The following SEMA3E variants were observed in gnomAD, a reference collection of about 807,000 sequenced individuals.
SEMA3E encodes the protein semaphorin-3E.
Under a neutral mutation model 93.6 loss-of-function variants are expected in SEMA3E, and 49 were observed. The observed-to-expected ratio is 0.52, with a 90% CI of 0.42 to 0.66. The LOEUF (loss-of-function observed/expected upper bound fraction) is 0.66, where lower values mean the gene tolerates loss of function less well. Among genes scored for constraint, SEMA3E ranks in the 30% least tolerant of loss-of-function variants. SEMA3E has a pLI of 0.00. For missense variants in SEMA3E, 906 were observed against 964.8 expected (o/e 0.94, Z 0.81); for synonymous variants, 363 against 330.7 (o/e 1.10, Z -1.06).
intron 1 of SEMA3E, among the ~76,000 whole-genome samples, chr7:83,605,339 T>C (rs2888176): frequency 0.29 from 43,935 of 151,998 alleles, 6,963 homozygotes; most frequent in South Asian, 0.35. Flanking sequence ...TGGCATGAGA[T>C]GGTATCTCGT....
At chr7:83,417,348 C>T (rs1788573580) in intron 5 of SEMA3E, among the ~76,000 whole-genome samples, 1 of 152,010 alleles carries the variant, frequency 6.6e-6, no homozygotes, top group African/African-American at 2.4e-5. Flanking sequence ...TTAGGGAACA[C>T]AGATTCTCAA....
At chr7:83,637,556 G>A (rs899249742) in intron 1 of SEMA3E, among the ~76,000 whole-genome samples, 1 of 152,088 alleles carries the variant, frequency 6.6e-6, no homozygotes, top group Non-Finnish European at 1.5e-5. Flanking sequence ...GAATTATGAA[G>A]GCAGTTTCCC....
intron 1 of SEMA3E, among the ~76,000 whole-genome samples, chr7:83,605,171 G>T (rs530463331): frequency 6.6e-6 from 1 of 152,248 alleles, no homozygotes; most frequent in Admixed American, 6.5e-5. Flanking sequence ...TGGGTCAAAT[G>T]GTATTTCTGG....
chr7:83,636,846 G>A (rs371242656), intron 1 of SEMA3E, among the ~76,000 whole-genome samples: 3 of 152,196 alleles, frequency 2.0e-5, no homozygotes, highest in African/African-American at 7.2e-5. Flanking sequence ...TCTTGCCCAA[G>A]CTCCTCCTGT....
At chr7:83,511,549 G>A (rs1324627942) in intron 1 of SEMA3E, among the ~76,000 whole-genome samples, 1 of 152,060 alleles carries the variant, frequency 6.6e-6, no homozygotes, top group Non-Finnish European at 1.5e-5. Context: ...TGAGGTTGGA[G>A]TCATAGTGAA....
At chr7:83,413,398 T>A (rs549432131) in intron 5 of SEMA3E, among the ~76,000 whole-genome samples, 6 of 152,258 alleles carry the variant, frequency 3.9e-5, no homozygotes, top group Admixed American at 6.5e-5. Context: ...ATTTGCCTCA[T>A]GGAACAGCAT....
intron 2 of SEMA3E, among the ~76,000 whole-genome samples, chr7:83,477,174 TTTTA>T (rs1328954313): frequency 1.3e-5 from 2 of 152,166 alleles, no homozygotes; most frequent in African/African-American, 2.4e-5. Flanking sequence ...TAGATTATCT[TTTTA>T]TTTAAAGAGT....
intron 1 of SEMA3E, among the ~76,000 whole-genome samples, chr7:83,558,177 G>A (rs1791958962): frequency 6.6e-6 from 1 of 152,096 alleles, no homozygotes; most frequent in East Asian, 1.9e-4. Context: ...AAATGGTGGG[G>A]CAAAGCCTTG....
At chr7:83,633,741 C>T (rs1195779266) in intron 1 of SEMA3E, among the ~76,000 whole-genome samples, 1 of 151,856 alleles carries the variant, frequency 6.6e-6, no homozygotes, top group African/African-American at 2.4e-5. Context: ...GCTGCAGTAG[C>T]AGCTGGGCCT....
In SEMA3E at chr7:83,390,013, A is replaced by ATG. The variant is rs1456955664; in HGVS notation, c.1667+2541_1667+2542insCA. Among the ~76,000 whole-genome samples the ATG allele has an allele frequency of 1.4e-3, 165 of 121,378 alleles. 9 individuals are homozygous for ATG. Among genetic ancestry groups the ATG allele is most frequent in the African/African-American group, 5.2e-3 (155 of 29,814 alleles). 79.6% of individuals were successfully genotyped at this position (121,378 alleles called of 152,430 possible). A position where few individuals can be genotyped will look rare whatever the true frequency, so the allele number is the denominator to read the frequency against. On this transcript the variant is annotated intron_variant, in intron 14 of 16. Coordinates refer to ENST00000643230, the MANE Select transcript of SEMA3E (RefSeq NM_012431.3). ...TATGTGTATACGTATACACATATATACGCGTATATGTGTATACGTATACAC... is the reference window on the plus strand; with the variant it reads ...TATGTGTATACGTATACACATATATATGCGCGTATATGTGTATACGTATACAC...
intron 16 of SEMA3E, among the ~76,000 whole-genome samples, chr7:83,380,923 C>T (rs1214568194): frequency 6.6e-6 from 1 of 151,876 alleles, no homozygotes; most frequent in Non-Finnish European, 1.5e-5. Flanking sequence ...AAAAATATAG[C>T]AAAGCACATT....
chr7:83,636,975 G>T (rs1793893106), intron 1 of SEMA3E, among the ~76,000 whole-genome samples: 1 of 151,662 alleles, frequency 6.6e-6, no homozygotes, highest in African/African-American at 2.4e-5. Context: ...TTTACAACTG[G>T]ATCTTAAGCT....
intron 1 of SEMA3E, among the ~76,000 whole-genome samples, chr7:83,574,473 AGAGAG>A (rs1562839106): frequency 2.1e-5 from 1 of 48,698 alleles, no homozygotes; most frequent in African/African-American, 2.0e-4. Context: ...AAAAAAAAAG[AGAGAG>A]AGAGACTAAG....
intron 2 of SEMA3E, 46 bp from the exon 3 acceptor site, chr7:83,469,348 T>C (rs1789841746): frequency 7.7e-7 from 1 of 1,291,990 alleles, no homozygotes; most frequent in East Asian, 2.3e-5. Flanking sequence ...CATATAAAAA[T>C]AAACCACACT....
At chr7:83,405,344 G>A in intron 9 of SEMA3E, 106 bp downstream of exon 9, 1 of 795,604 alleles carries the variant, frequency 1.3e-6, no homozygotes, top group Non-Finnish European at 2.2e-6. Context: ...AAAATGAGAA[G>A]AGCAACTGGG....
At chr7:83,550,175 T>C (rs1192348809) in intron 1 of SEMA3E, among the ~76,000 whole-genome samples, 3 of 152,176 alleles carry the variant, frequency 2.0e-5, no homozygotes, top group Non-Finnish European at 4.4e-5. Flanking sequence ...GTATTGACTA[T>C]ATAGGTCGCC....
At chr7:83,483,818 A>G (rs369070613) in intron 2 of SEMA3E, among the ~76,000 whole-genome samples, 151 of 152,220 alleles carry the variant, frequency 9.9e-4, no homozygotes, top group Middle Eastern at 6.8e-3. Flanking sequence ...AATGGCTCCC[A>G]TTTTCTAAAT....
At chr7:83,432,882 C>T (rs1021938390) in intron 4 of SEMA3E, among the ~76,000 whole-genome samples, 1 of 152,116 alleles carries the variant, frequency 6.6e-6, no homozygotes, top group Non-Finnish European at 1.5e-5. Flanking sequence ...ATTTATAGTA[C>T]AGTCATATAT....
At chr7:83,641,932 A>T (rs1192908397) in intron 1 of SEMA3E, among the ~76,000 whole-genome samples, 1 of 152,152 alleles carries the variant, frequency 6.6e-6, no homozygotes, top group Non-Finnish European at 1.5e-5. Flanking sequence ...ATGTTTTACC[A>T]CTTTAAAGAT....
Sources: allele counts gnomAD v4.1 joint callset (sites outside exome capture counted in the v4.1 genomes callset), GRCh38; gene constraint gnomAD v4.1.1; transcripts MANE v1.5; gene names NCBI Gene and HGNC (gene_info 2026-07-23, HGNC 2026-07-21).